The following PPP1R13L variants were observed in gnomAD, a reference collection of about 807,000 sequenced individuals.
The protein encoded by PPP1R13L is protein phosphatase 1 regulatory subunit 13 like.
A neutral mutation model predicts 80.9 loss-of-function variants in PPP1R13L; 50 were observed. The ratio of observed to expected loss-of-function variants is 0.62; its 90% CI spans 0.49 to 0.78. The LOEUF is 0.78. Among genes scored for constraint, PPP1R13L ranks in the 30% least tolerant of loss-of-function variants. PPP1R13L has a pLI of 0.00. For synonymous variants in PPP1R13L, 602 were observed against 534.3 expected, an observed-to-expected ratio of 1.13 and a Z score of -1.75; for missense variants, 1,200 against 1,205.9, an observed-to-expected ratio of 1.00 and a Z score of 0.07.
At chr19:45,387,710 A>G (rs1316386198) in intron 8 of PPP1R13L, among the ~76,000 whole-genome samples, 11 of 151,952 alleles carry the variant, frequency 7.2e-5, no homozygotes, top group Admixed American at 6.6e-4. Context: ...GCCCGCCACC[A>G]CGCCTGGCTA....
intron 11 of PPP1R13L, among the ~76,000 whole-genome samples, chr19:45,383,380 C>T (rs1008462723): frequency 4.0e-5 from 6 of 149,562 alleles, no homozygotes; most frequent in African/African-American, 2.5e-5. Flanking sequence ...CTGCAACCTC[C>T]GCCTCCGGAG....
chr19:45,402,351 T>A (rs989774511), intron 1 of PPP1R13L, among the ~76,000 whole-genome samples: 1 of 152,224 alleles, frequency 6.6e-6, no homozygotes, highest in African/African-American at 2.4e-5. Flanking sequence ...CCCAAAGTAT[T>A]GGGATTACAG....
chr19:45,396,722 C>A lies in PPP1R13L; in HGVS notation c.535G>T (p.Gly179Cys). The A allele has an allele frequency of 7.2e-7, 1 of 1,393,658 alleles. No individual in the cohort carries two copies. The highest frequency in any genetic ancestry group is 9.2e-7 in the Non-Finnish European group (1 of 1,083,260). The allele number at this position is 1,393,658 out of a possible 1,614,324, so 86.3% of individuals were successfully genotyped here. ...CTGCCGCGGGGGGAGCCTGCGCGGC[C>A]CAGGAAGTCGAAAGGCGTGGGGGGA... ...QGPPTPFDFLGRAGSPRGSPL... is the reference protein window; with the variant it reads ...QGPPTPFDFLCRAGSPRGSPL... The change falls in exon 4 of 13, where the codon GGC becomes TGC. Residue 179 changes from glycine (G) to cysteine (C), a missense_variant. Physicochemically the swap from Gly to Cys is radical, Grantham distance 159. Transcript: ENST00000360957. This position sits in a 1 kb window ranked among gnomAD's most constrained non-coding sequence, Gnocchi z 5.3.
In PPP1R13L at chr19:45,398,213, C is replaced by G. The variant is rs368713811; in HGVS notation, c.55+51G>C. 11 of 1,612,882 alleles carry G rather than the reference C, an allele frequency of 6.8e-6. No individual in the cohort carries two copies. In the African/African-American group the frequency reaches 1.5e-4, roughly 22 times the overall value. On this transcript the variant is annotated intron_variant, in intron 2 of 12. Coordinates refer to ENST00000360957, the MANE Select transcript of PPP1R13L (RefSeq NM_006663.4). ...CAGGGGCCGGCCTCAGCACCCCTCGCCCGCTGCCGAGGTCCCCGCCTCGCC... is the reference window on the plus strand; with the variant it reads ...CAGGGGCCGGCCTCAGCACCCCTCGGCCGCTGCCGAGGTCCCCGCCTCGCC...
intron 3 of PPP1R13L, among the ~76,000 whole-genome samples, chr19:45,397,468 C>CTTTCTTTCTT (rs1294884126): frequency 0.096 from 8,260 of 85,964 alleles, 678 homozygotes; most frequent in Admixed American, 0.13. Flanking sequence ...TGCTTTCTCT[C>CTTTCTTTCTT]TCTCTCTTTC....
chr19:45,396,932 A>AG lies in PPP1R13L; in HGVS notation c.324dup (p.Tyr109LeufsTer146). ...CGTCCCTTGGGGGACAGCGGGCTGT[A>AG]GGGGTGTAGGGTTGGGGCACTCTCT... On this transcript the variant is annotated frameshift_variant, in exon 4 of 13. Coordinates refer to ENST00000360957, the MANE Select transcript of PPP1R13L (RefSeq NM_006663.4). LOFTEE classifies it high-confidence loss of function. The surrounding 1 kb of genome is among the most constrained non-coding windows in gnomAD (Gnocchi z 5.3). 1 of 1,471,400 alleles carries AG rather than the reference A, an allele frequency of 6.8e-7. No individual in the cohort carries two copies. The highest frequency in any genetic ancestry group is 8.9e-7 in the Non-Finnish European group (1 of 1,118,162). 91.1% of individuals were successfully genotyped at this position (1,471,400 alleles called of 1,614,324 possible). A position where few individuals can be genotyped will look rare whatever the true frequency, so the allele number is the denominator to read the frequency against.
At chr19:45,387,843 G>A (rs1192023041) in intron 8 of PPP1R13L, among the ~76,000 whole-genome samples, 1 of 152,126 alleles carries the variant, frequency 6.6e-6, no homozygotes, top group East Asian at 1.9e-4. Flanking sequence ...GAGCCATCAT[G>A]CCTGACCTAG....
At chr19:45,389,807 T>G (rs1972934690) in intron 8 of PPP1R13L, among the ~76,000 whole-genome samples, 1 of 151,982 alleles carries the variant, frequency 6.6e-6, no homozygotes, top group Non-Finnish European at 1.5e-5. Flanking sequence ...TTATTTTTAT[T>G]TTTTTTGAGA....
At position 45,385,838 on chromosome 19, in the gene PPP1R13L, G is replaced by A. The variant is rs201325544; in HGVS notation, c.2067C>T (p.Pro689=). ...LITAGANVNS[P]DSHGWTPLHC... ...TCGGGGCTCACCAGCCGTGGCTGTC[G>A]GGGGAGTTGACATTGGCACCCGCGG... is the stretch of plus-strand genomic sequence containing the variant. Residue 689 remains proline, a synonymous_variant, in exon 10 of 13, where the codon CCC becomes CCT. Transcript: ENST00000360957. 1.2e-5 allele frequency: 20 copies of A among 1,610,974 alleles called. No homozygotes were observed. In the Admixed American group the frequency reaches 3.2e-4, roughly 26 times the overall value.
upstream of PPP1R13L, chr19:45,406,311 A>C (rs1399766608): frequency 9.1e-7 from 1 of 1,102,408 alleles, no homozygotes; most frequent in Non-Finnish European, 1.1e-6. This position sits in a 1 kb window ranked among gnomAD's most constrained non-coding sequence, Gnocchi z 4.2. Flanking sequence ...CAAGAATTTC[A>C]GACCAATCGA....
At chr19:45,400,478 G>A (rs548957808) in intron 1 of PPP1R13L, among the ~76,000 whole-genome samples, 1 of 152,084 alleles carries the variant, frequency 6.6e-6, no homozygotes, top group Non-Finnish European at 1.5e-5. Flanking sequence ...GGAAGTCGAA[G>A]GAACAGAACC....
rs1459024318 is a variant in PPP1R13L at position 45,397,468 on chromosome 19, CTCTCTCTTTCTTTCTTTCTTTCTTTCTT to C, written c.199-438_199-411del. The stretch of plus-strand genomic sequence containing the variant: ...CCCTCCCTGCTTGCTTGCTTTCTCT[CTCTCTCTTTCTTTCTTTCTTTCTTTCTT>C]TCTTTCTTTCTTTCTTTCTTTTCTA... On this transcript the variant is annotated intron_variant, in intron 3 of 12. Transcript: ENST00000360957. 2.4e-3 allele frequency among the ~76,000 whole-genome samples: 212 copies of C among 86,716 alleles called. 2 individuals are homozygous for C. The highest frequency in any genetic ancestry group is 8.3e-3 in the African/African-American group (202 of 24,252). The allele number at this position is 86,716 out of a possible 152,430, so 56.9% of individuals were successfully genotyped here. A position where few individuals can be genotyped will look rare whatever the true frequency, so the allele number is the denominator to read the frequency against.
upstream of PPP1R13L, chr19:45,405,082 C>G (rs550193250): frequency 5.1e-6 from 5 of 985,262 alleles, no homozygotes; most frequent in African/African-American, 8.7e-5. Flanking sequence ...GGGGCAGGAG[C>G]TGGGAACAGG....
At chr19:45,386,848 C>T (rs1972881110) in intron 8 of PPP1R13L, among the ~76,000 whole-genome samples, 1 of 151,760 alleles carries the variant, frequency 6.6e-6, no homozygotes, top group African/African-American at 2.4e-5. Flanking sequence ...GTTGTCCAGG[C>T]TGGTCTCGAA....
intron 12 of PPP1R13L, among the ~76,000 whole-genome samples, chr19:45,382,113 G>A (rs1238129924): frequency 6.6e-6 from 1 of 151,874 alleles, no homozygotes. Context: ...TGGTGGTGGT[G>A]GGCGCCTGTA....
At chr19:45,390,307 G>GA (rs977102236) in intron 8 of PPP1R13L, among the ~76,000 whole-genome samples, 23 of 151,714 alleles carry the variant, frequency 1.5e-4, no homozygotes, top group African/African-American at 5.6e-4. Flanking sequence ...TATAAGACAG[G>GA]AAAAAAAGGG....
rs1972925634 is a variant in PPP1R13L, at chr19:45,389,339, T to C, written c.1815+2541A>G. The stretch of plus-strand genomic sequence containing the variant: ...ACCCCTGCTTCTCTGAGAAGTGATC[T>C]CTTCCCGCTGTCTACGCACACGGAG... On this transcript the variant is annotated intron_variant, in intron 8 of 12. Coordinates refer to ENST00000360957, the MANE Select transcript of PPP1R13L (RefSeq NM_006663.4). 2.0e-5 allele frequency among the ~76,000 whole-genome samples: 3 copies of C among 152,286 alleles called. No homozygotes were observed. In the South Asian group the frequency reaches 6.2e-4, roughly 32 times the overall value.
chr19:45,393,282 A>G (rs1449936914), intron 7 of PPP1R13L: 3 of 151,730 alleles, frequency 2.0e-5, no homozygotes, highest in Non-Finnish European at 4.4e-5. Context: ...ATGCATATAC[A>G]TATAAATAAT....
chr19:45,384,366 C>CA (rs770216477), intron 11 of PPP1R13L, among the ~76,000 whole-genome samples: 2,673 of 91,266 alleles, frequency 0.029, 50 homozygotes, highest in Middle Eastern at 0.043. Flanking sequence ...ACTAAAAATA[C>CA]AAAAAAAAAA....
Sources: gnomAD v4.1 joint callset for allele counts (sites outside exome capture counted in the v4.1 genomes callset) on GRCh38, gnomAD v4.1.1 for gene constraint, Gnocchi (gnomAD v3.1) non-coding constraint, MANE v1.5 for transcripts, NCBI Gene and HGNC (gene_info 2026-07-23, HGNC 2026-07-21) for gene names.